The following CAMK1G variants were observed in gnomAD, a reference collection of about 807,000 sequenced individuals.
CAMK1G encodes the protein calcium/calmodulin dependent protein kinase IG, also known as calcium/calmodulin-dependent protein kinase type 1G.
CAMK1G carries 27 observed loss-of-function variants against 54.8 expected under a neutral mutation model. The ratio of observed to expected loss-of-function variants is 0.49; its 90% confidence interval spans 0.36 to 0.68. The LOEUF is 0.68. Ranked by LOEUF, CAMK1G falls within the 30% of genes least tolerant of loss-of-function variation. The probability of loss-of-function intolerance (pLI) is 0.00; values close to 1 mark genes in which losing one functional copy is unlikely to be tolerated. For missense variants in CAMK1G, 512 were observed against 591.0 expected, an observed-to-expected ratio of 0.87 and a Z score of 1.39; for synonymous variants, 238 against 224.9, an observed-to-expected ratio of 1.06 and a Z score of -0.52.
chr1:209,598,597 T>C (rs916873666), intron 2 of CAMK1G, among the ~76,000 whole-genome samples: 1 of 152,312 alleles, frequency 6.6e-6, no homozygotes, highest in East Asian at 1.9e-4. Flanking sequence ...CCCCTGAATC[T>C]GTGGTGGCAT....
At chr1:209,592,183 G>GA (rs900035886) in intron 1 of CAMK1G, among the ~76,000 whole-genome samples, 1 of 151,272 alleles carries the variant, frequency 6.6e-6, no homozygotes, top group Non-Finnish European at 1.5e-5. Context: ...CCTGTCTTTG[G>GA]AAAAAAAATT....
Position 209,611,911 on chromosome 1 carries a change from C to T in CAMK1G, c.1035C>T (p.Thr345=). The change falls in exon 11 of 13, where the codon ACC becomes ACT. Residue 345 remains threonine, a synonymous_variant. Transcript: ENST00000361322. ...NRPPETQASE[T]SRPSSPEITI... ...CGCCTGAAACTCAAGCCTCAGAAAC[C>T]TCTAGACCCAGCTCCCCTGAGATCA... 6.2e-7 allele frequency: 1 copy of T among 1,614,264 alleles called. No individual in the cohort carries two copies. The highest frequency in any genetic ancestry group is 8.5e-7 in the Non-Finnish European group (1 of 1,180,056).
intron 1 of CAMK1G, among the ~76,000 whole-genome samples, chr1:209,588,705 A>G (rs1429402685): frequency 6.6e-6 from 1 of 152,200 alleles, no homozygotes; most frequent in Non-Finnish European, 1.5e-5. Context: ...GACAAAGCTT[A>G]TCTGCCTGAG....
Position 209,609,841 on chromosome 1 carries a change from C to A in CAMK1G, c.749-10C>A. On this transcript the variant is annotated splice_polypyrimidine_tract_variant and intron_variant, in intron 8 of 12. Transcript: ENST00000361322. ...TCCTTAGTCGTCGTGTCTTTGATTA[C>A]TCCCCTTAGCCAAGGACTTTATTTG... The A allele has an allele frequency of 6.2e-7, 1 of 1,614,088 alleles. No homozygotes were observed. The highest frequency in any genetic ancestry group is 2.2e-5 in the East Asian group (1 of 44,886).
intron 9 of CAMK1G, 83 bp downstream of exon 9, chr1:209,610,012 G>C: frequency 9.1e-7 from 1 of 1,102,596 alleles, no homozygotes; most frequent in Non-Finnish European, 1.4e-6. Flanking sequence ...GCATTTCCCT[G>C]GAATCTGCTT....
In CAMK1G at chr1:209,611,741, A is replaced by C. The variant is rs370112791; in HGVS notation, c.916-51A>C. The C allele has an allele frequency of 2.3e-4, 369 of 1,588,898 alleles. 1 individual carries two copies. In the East Asian group the frequency reaches 3.2e-3, roughly 14 times the overall value. Reference sequence around the variant, plus strand: ...AAGGCAAAGGGAAAGTTTAAGCTCCAAGGCCCTCTGAGGTTGCAGAAGGCC... The same window carrying C: ...AAGGCAAAGGGAAAGTTTAAGCTCCCAGGCCCTCTGAGGTTGCAGAAGGCC... On this transcript the variant is annotated intron_variant, in intron 10 of 12. Coordinates refer to ENST00000361322, the MANE Select transcript of CAMK1G (RefSeq NM_020439.3).
intron 1 of CAMK1G, among the ~76,000 whole-genome samples, chr1:209,587,021 T>C (rs1665118820): frequency 6.6e-6 from 1 of 152,140 alleles, no homozygotes; most frequent in South Asian, 2.1e-4. Flanking sequence ...TGGGTCATTT[T>C]GTGAACAGAA....
intron 9 of CAMK1G, among the ~76,000 whole-genome samples, chr1:209,610,429 C>G (rs1052292682): frequency 6.6e-6 from 1 of 152,200 alleles, no homozygotes; most frequent in Admixed American, 6.5e-5. Flanking sequence ...CCCCAGCAAG[C>G]CTGGATTCCT....
intron 1 of CAMK1G, among the ~76,000 whole-genome samples, chr1:209,593,807 T>G (rs1489828883): frequency 1.0e-5 from 1 of 100,224 alleles, no homozygotes; most frequent in Non-Finnish European, 2.6e-5. Flanking sequence ...AAAACATCAA[T>G]GGTGTAATAA....
At chr1:209,600,209 A>G in intron 3 of CAMK1G, 98 bp downstream of exon 3, 1 of 1,406,746 alleles carries the variant, frequency 7.1e-7, no homozygotes, top group Non-Finnish European at 9.7e-7. Context: ...TCTGCACCCA[A>G]AGGCATTGCT....
chr1:209,588,350 CGGAAT>C (rs1665156241), intron 1 of CAMK1G, among the ~76,000 whole-genome samples: 1 of 144,540 alleles, frequency 6.9e-6, no homozygotes, highest in Non-Finnish European at 1.5e-5. Context: ...TAGAGTGGAG[CGGAAT>C]GGATTGGATT....
chr1:209,584,955 G>A (rs1006574419), intron 1 of CAMK1G, among the ~76,000 whole-genome samples: 1 of 152,104 alleles, frequency 6.6e-6, no homozygotes, highest in African/African-American at 2.4e-5. Context: ...TCTTTAGGAC[G>A]ATCCCATCAG....
intron 1 of CAMK1G, among the ~76,000 whole-genome samples, chr1:209,589,357 A>G (rs1665187051): frequency 6.6e-6 from 1 of 152,188 alleles, no homozygotes. Flanking sequence ...AGCCAAGCAG[A>G]TTTGGCCTTC....
chr1:209,612,086 G>T lies in CAMK1G; in HGVS notation c.1210G>T (p.Val404Leu). The change falls in exon 11 of 13, where the codon GTG (valine) becomes TTG (leucine). Residue 404 changes from valine (V) to leucine (L), a missense_variant. Around this residue, in one of 3 missense-constraint regions of CAMK1G, gnomAD observed 315 missense variants for 330.5 expected, o/e 0.95. Transcript: ENST00000361322. The stretch of plus-strand genomic sequence containing the variant: ...CTCCCTCCACATCAGCAGCAGCCTG[G>T]TGCCCATGCATCAGGGGTCCCTGGC... ...NGSLHISSSL[V>L]PMHQGSLAAG... The T allele has an allele frequency of 6.2e-7, 1 of 1,614,186 alleles. No homozygotes were observed. Among genetic ancestry groups the T allele is most frequent in the Non-Finnish European group, 8.5e-7 (1 of 1,179,984 alleles).
At chr1:209,586,358 T>C (rs1180880157) in intron 1 of CAMK1G, among the ~76,000 whole-genome samples, 3 of 152,156 alleles carry the variant, frequency 2.0e-5, no homozygotes, top group African/African-American at 4.8e-5. Context: ...TCCTCTCTTG[T>C]TGCAACAGTT....
intron 6 of CAMK1G, among the ~76,000 whole-genome samples, chr1:209,607,139 G>C (rs1665670581): frequency 6.6e-6 from 1 of 151,058 alleles, no homozygotes; most frequent in South Asian, 2.1e-4. Context: ...GCAGAGCTCT[G>C]ACTCAAGAGA....
rs1195581708 is a variant in CAMK1G at position 209,611,493 on chromosome 1, G to T, written c.856G>T (p.Asp286Tyr). The T allele has an allele frequency of 1.2e-6, 2 of 1,614,056 alleles. No homozygotes were observed. The highest frequency in any genetic ancestry group is 1.7e-5 in the Admixed American group (1 of 60,004). The change falls in exon 10 of 13, where the codon GAC becomes TAC. Residue 286 changes from aspartate to tyrosine, a missense_variant. Asp to Tyr is a radical substitution (Grantham distance 160, BLOSUM62 -3). This residue lies in a region of CAMK1G where 315 missense variants were observed against 330.5 expected (regional missense o/e 0.95). Coordinates refer to ENST00000361322, the MANE Select transcript of CAMK1G (RefSeq NM_020439.3). ...TGACGGAAACACAGCCCTCCACCGG[G>T]ACATCTACCCATCAGTCAGCCTCCA... ...WIDGNTALHR[D>Y]IYPSVSLQIQ... is the part of the protein sequence containing the mutation.
At chr1:209,612,431 A>G (rs564115375) in intron 11 of CAMK1G, among the ~76,000 whole-genome samples, 14 of 152,200 alleles carry the variant, frequency 9.2e-5, no homozygotes, top group Admixed American at 7.9e-4. Flanking sequence ...CTCTGCTTCT[A>G]TTTTGCTCAT....
At chr1:209,588,985 C>T (rs1211510703) in intron 1 of CAMK1G, among the ~76,000 whole-genome samples, 1 of 152,150 alleles carries the variant, frequency 6.6e-6, no homozygotes, top group Non-Finnish European at 1.5e-5. Flanking sequence ...CAGAGTTTTC[C>T]CCCAAGAGGC....
Sources: allele counts gnomAD v4.1 joint callset (sites outside exome capture counted in the v4.1 genomes callset), GRCh38; gene constraint gnomAD v4.1.1; regional missense constraint gnomAD v4.1.1; transcripts MANE v1.5; gene names NCBI Gene and HGNC (gene_info 2026-07-23, HGNC 2026-07-21).